Variants in FGF4 observed in about 807,000 individuals in gnomAD.
FGF4 encodes the protein fibroblast growth factor 4.
In FGF4, 9 loss-of-function variants were observed where a neutral mutation model predicts 15.7. That is an observed-to-expected ratio of 0.57 (90% CI 0.35 to 1.00). The LOEUF is 1.00. Among genes scored for constraint, FGF4 ranks in the 50% least tolerant of loss-of-function variants. The pLI, the probability that FGF4 is intolerant of heterozygous loss-of-function variation, is 0.02. For synonymous variants in FGF4, 164 were observed against 144.8 expected (o/e 1.13, Z -0.95); for missense variants, 286 against 297.3 (o/e 0.96, Z 0.28).
At chr11:69,774,214 C>T in intron 1 of FGF4, 87 bp from the exon 2 acceptor site, 1 of 1,115,638 alleles carries the variant, frequency 9.0e-7, no homozygotes, top group Non-Finnish European at 1.3e-6. Flanking sequence ...GACCCTATTT[C>T]TGGGGTGGGG....
In FGF4 at chr11:69,775,221, C is replaced by G. The variant is rs936315773; in HGVS notation, c.-137G>C. The G allele has an allele frequency of 1.1e-4, 62 of 561,104 alleles. No individual in the cohort carries two copies. The Middle Eastern group carries it at 3.2e-3, about 29-fold the overall frequency. The allele number at this position is 561,104 out of a possible 1,614,324, so 34.8% of individuals were successfully genotyped here. On this transcript the variant is annotated 5_prime_UTR_variant, in exon 1 of 3. Transcript: ENST00000168712. ...TGCGCAACCGAGGAGGTGCGGGAGG[C>G]AAGCGACGGGGCCCCCGGGCGCCGG...
At position 69,774,173 on chromosome 11, in the gene FGF4, C is replaced by T. The variant is rs776447972; in HGVS notation, c.341-46G>A. 1.7e-5 allele frequency: 25 copies of T among 1,470,834 alleles called. No individual in the cohort carries two copies. The South Asian group carries it at 2.8e-4, about 16-fold the overall frequency. The allele number at this position is 1,470,834 out of a possible 1,614,324, so 91.1% of individuals were successfully genotyped here. A position where few individuals can be genotyped will look rare whatever the true frequency, so the allele number is the denominator to read the frequency against. Reference sequence around the variant, plus strand: ...ATTGCGGGGCAGGTGATCCCTGGCCCACTCCGCCCCTCGGCTTGTTCGCCT... The same window carrying T: ...ATTGCGGGGCAGGTGATCCCTGGCCTACTCCGCCCCTCGGCTTGTTCGCCT... On this transcript the variant is annotated intron_variant, in intron 1 of 2. Coordinates refer to ENST00000168712, the MANE Select transcript of FGF4 (RefSeq NM_002007.4).
intron 1 of FGF4, 35 bp downstream of exon 1, chr11:69,774,710 G>C (rs1855617544): frequency 7.5e-7 from 1 of 1,340,784 alleles, no homozygotes; most frequent in East Asian, 3.3e-5. Context: ...GTTGCCCCCC[G>C]CCCCCGCCCC....
rs2119834256 is a variant in FGF4, at chr11:69,775,109, T to C, written c.-25A>G. On this transcript the variant is annotated 5_prime_UTR_variant, in exon 1 of 3. Coordinates refer to ENST00000168712, the MANE Select transcript of FGF4 (RefSeq NM_002007.4). The stretch of plus-strand genomic sequence containing the variant: ...TCCCGGCCCGAGGGCCGTGCGTCGG[T>C]CAGGCGGTCAGTGCGCCCGGGAAGC... 7.8e-7 allele frequency: 1 copy of C among 1,279,636 alleles called. No individual in the cohort carries two copies. Among genetic ancestry groups the C allele is most frequent in the South Asian group, 2.5e-5 (1 of 40,798 alleles). 79.3% of individuals were successfully genotyped at this position (1,279,636 alleles called of 1,614,324 possible).
In FGF4 at chr11:69,775,339, C is replaced by T. The variant is rs557791936; in HGVS notation, c.-255G>A. 1.0e-4 allele frequency: 36 copies of T among 351,948 alleles called. No homozygotes were observed. The South Asian group carries it at 4.9e-3, about 48-fold the overall frequency. 21.8% of individuals were successfully genotyped at this position (351,948 alleles called of 1,614,324 possible). ...GAGCAGTGCGCGCCTCCCTGAGCGC[C>T]AGGCCCGCCCGAGGCCGAGCCGCTA... On this transcript the variant is annotated 5_prime_UTR_variant, in exon 1 of 3. Coordinates refer to ENST00000168712, the MANE Select transcript of FGF4 (RefSeq NM_002007.4).
Position 69,775,013 on chromosome 11 carries a change from C to T in FGF4, c.72G>A (p.Ala24=). The part of the protein sequence containing the change: ...AVLLALLAPW[A]GRGGAAAPTA... ...TGGGTGCGGCGGCGCCCCCTCGGCC[C>T]GCCCAGGGCGCCAGCAAGGCCAGCA... Residue 24 remains alanine, a synonymous_variant, in exon 1 of 3, where the codon GCG becomes GCA. Transcript: ENST00000168712. The T allele has an allele frequency of 6.9e-7, 1 of 1,441,026 alleles. No individual in the cohort carries two copies. Among genetic ancestry groups the T allele is most frequent in the Non-Finnish European group, 9.1e-7 (1 of 1,103,612 alleles). The allele number at this position is 1,441,026 out of a possible 1,614,324, so 89.3% of individuals were successfully genotyped here.
At position 69,772,968 on chromosome 11, in the gene FGF4, C is replaced by T. The variant is rs182290319; in HGVS notation, c.*341G>A. ...CACGCCATACTACAGGGGATGACAT[C>T]GGAATCCAATGTCACCTTTTTTTAA... On this transcript the variant is annotated 3_prime_UTR_variant, in exon 3 of 3. Transcript: ENST00000168712. The T allele has an allele frequency of 6.1e-5, 17 of 276,786 alleles. No homozygotes were observed. Among genetic ancestry groups the T allele is most frequent in the Admixed American group, 3.4e-4 (7 of 20,538 alleles). The allele number at this position is 276,786 out of a possible 1,614,324, so 17.1% of individuals were successfully genotyped here. A position where few individuals can be genotyped will look rare whatever the true frequency, so the allele number is the denominator to read the frequency against.
rs780413134 is a variant in FGF4 at position 69,774,140 on chromosome 11, C to T, written c.341-13G>A. 1.7e-5 allele frequency: 27 copies of T among 1,604,044 alleles called. No individual in the cohort carries two copies. The highest frequency in any genetic ancestry group is 6.7e-5 in the Admixed American group (4 of 59,612). On this transcript the variant is annotated splice_polypyrimidine_tract_variant and intron_variant, in intron 1 of 2. Transcript: ENST00000168712. ...AGCTCCAGCAGGCCTGGGGGCGGGGCGCAGGTCATTGCGGGGCAGGTGATC... is the reference window on the plus strand; with the variant it reads ...AGCTCCAGCAGGCCTGGGGGCGGGGTGCAGGTCATTGCGGGGCAGGTGATC...
At position 69,774,782 on chromosome 11, in the gene FGF4, G is replaced by A. The variant is rs746672614; in HGVS notation, c.303C>T (p.Asp101=). ...CCGCGTGCGCGCCGCCGATGCGGCC[G>A]TCGGGGAGCGCCTGGAGGTGGAAGC... ...GIGFHLQALP[D]GRIGGAHADT... is the part of the protein sequence containing the mutation. Residue 101 remains aspartate (D), a synonymous_variant, in exon 1 of 3, where the codon GAC becomes GAT. Transcript: ENST00000168712. 2.4e-5 allele frequency: 36 copies of A among 1,515,958 alleles called. No individual in the cohort carries two copies. The highest frequency in any genetic ancestry group is 2.0e-4 in the Middle Eastern group (1 of 5,092). 93.9% of individuals were successfully genotyped at this position (1,515,958 alleles called of 1,614,324 possible). A position where few individuals can be genotyped will look rare whatever the true frequency, so the allele number is the denominator to read the frequency against.
At position 69,773,298 on chromosome 11, in the gene FGF4, C is replaced by T. The variant is rs1476797310; in HGVS notation, c.*11G>A. The stretch of plus-strand genomic sequence containing the variant: ...GGCTTCCCGAGGCTGAGGCAAGGGT[C>T]CTCTGGAGGGTCACAGCCTGGGGAG... On this transcript the variant is annotated 3_prime_UTR_variant, in exon 3 of 3. Coordinates refer to ENST00000168712, the MANE Select transcript of FGF4 (RefSeq NM_002007.4). 1 of 1,613,874 alleles carries T rather than the reference C, an allele frequency of 6.2e-7. No homozygotes were observed. Among genetic ancestry groups the T allele is most frequent in the Non-Finnish European group, 8.5e-7 (1 of 1,179,820 alleles).
In FGF4 at chr11:69,774,219, G is replaced by A. The variant is rs1156522572; in HGVS notation, c.341-92C>T. 3.8e-6 allele frequency: 4 copies of A among 1,057,342 alleles called. No homozygotes were observed. The African/African-American group carries it at 4.7e-5, about 12-fold the overall frequency. The allele number at this position is 1,057,342 out of a possible 1,614,324, so 65.5% of individuals were successfully genotyped here. A position where few individuals can be genotyped will look rare whatever the true frequency, so the allele number is the denominator to read the frequency against. ...CGCCTCCGGGGACCCTATTTCTGGG[G>A]TGGGGTTGGGGATAAAGGGCCAGGG... On this transcript the variant is annotated intron_variant, in intron 1 of 2. Transcript: ENST00000168712.
chr11:69,774,778 G>A lies in FGF4; in HGVS notation c.307C>T (p.Arg103Cys). The change falls in exon 1 of 3, where the codon CGC becomes TGC. Residue 103 changes from arginine to cysteine, a missense_variant. Coordinates refer to ENST00000168712, the MANE Select transcript of FGF4 (RefSeq NM_002007.4). ...GTGTCCGCGTGCGCGCCGCCGATGC[G>A]GCCGTCGGGGAGCGCCTGGAGGTGG... The part of the protein sequence containing the change: ...GFHLQALPDG[R>C]IGGAHADTRD... 6.6e-7 allele frequency: 1 copy of A among 1,513,378 alleles called. No individual in the cohort carries two copies. The allele number at this position is 1,513,378 out of a possible 1,614,324, so 93.7% of individuals were successfully genotyped here. A position where few individuals can be genotyped will look rare whatever the true frequency, so the allele number is the denominator to read the frequency against.
rs1245810774 is a variant in FGF4 at position 69,774,097 on chromosome 11, C to T, written c.371G>A (p.Gly124Asp). ...GGCCACGCCGAAGATGCTCACCACGCCCCGCTCCACGGGCGAGAGCTCCAG... is the reference window on the plus strand; with the variant it reads ...GGCCACGCCGAAGATGCTCACCACGTCCCGCTCCACGGGCGAGAGCTCCAG... ...SLLELSPVER[G>D]VVSIFGVASR... The change falls in exon 2 of 3, where the codon GGC becomes GAC. Residue 124 changes from glycine to aspartate, a missense_variant. By Grantham distance (94) the Gly-to-Asp change is moderately conservative. Transcript: ENST00000168712. 1 of 1,612,764 alleles carries T rather than the reference C, an allele frequency of 6.2e-7. No homozygotes were observed. The highest frequency in any genetic ancestry group is 8.5e-7 in the Non-Finnish European group (1 of 1,179,904).
At position 69,775,043 on chromosome 11, in the gene FGF4, C is replaced by T; in HGVS notation, c.42G>A (p.Ala14=). ...AGGGCGCCAGCAAGGCCAGCAGGAC[C>T]GCCGGGAGCAGCGCTACCGCGGCCG... ...PGTAAVALLP[A]VLLALLAPWA... The change falls in exon 1 of 3, where the codon GCG becomes GCA. Residue 14 remains alanine (A), a synonymous_variant. Transcript: ENST00000168712. 7.1e-7 allele frequency: 1 copy of T among 1,402,258 alleles called. No individual in the cohort carries two copies. 86.9% of individuals were successfully genotyped at this position (1,402,258 alleles called of 1,614,324 possible).
In FGF4 at chr11:69,771,205, A is replaced by C. The variant is rs1451120177; in HGVS notation, c.*2104T>G. On this transcript the variant is annotated 3_prime_UTR_variant, in exon 3 of 3. Coordinates refer to ENST00000168712, the MANE Select transcript of FGF4 (RefSeq NM_002007.4). ...CTACAGATTCTGAAAACAGTGGCAC[A>C]TACAGGAACCTCGAATCCCCATCAC... 7 of 152,252 alleles carry C rather than the reference A, an allele frequency of 4.6e-5. No individual in the cohort carries two copies. Among genetic ancestry groups the C allele is most frequent in the African/African-American group, 1.2e-4 (5 of 41,464 alleles). The allele number at this position is 152,252 out of a possible 1,614,324, so 9.4% of individuals were successfully genotyped here. A position where few individuals can be genotyped will look rare whatever the true frequency, so the allele number is the denominator to read the frequency against.
At chr11:69,774,511 G>T (rs1371062669) in intron 1 of FGF4, among the ~76,000 whole-genome samples, 1 of 152,224 alleles carries the variant, frequency 6.6e-6, no homozygotes, top group Non-Finnish European at 1.5e-5. Context: ...CTCGGAGCCC[G>T]AGTTTCTGAA....
At chr11:69,774,233 A>G (rs1423571586) in intron 1 of FGF4, 106 bp from the exon 2 acceptor site, 4 of 944,402 alleles carry the variant, frequency 4.2e-6, no homozygotes, top group Non-Finnish European at 6.4e-6. Context: ...GGTTGGGGAT[A>G]AAGGGCCAGG....
At position 69,772,970 on chromosome 11, in the gene FGF4, G is replaced by T. The variant is rs186955552; in HGVS notation, c.*339C>A. On this transcript the variant is annotated 3_prime_UTR_variant, in exon 3 of 3. Coordinates refer to ENST00000168712, the MANE Select transcript of FGF4 (RefSeq NM_002007.4). ...CGCCATACTACAGGGGATGACATCGGAATCCAATGTCACCTTTTTTTAAAA... is the reference window on the plus strand; with the variant it reads ...CGCCATACTACAGGGGATGACATCGTAATCCAATGTCACCTTTTTTTAAAA... 5.0e-5 allele frequency: 14 copies of T among 279,226 alleles called. No homozygotes were observed. The East Asian group carries it at 8.2e-4, about 16-fold the overall frequency. 17.3% of individuals were successfully genotyped at this position (279,226 alleles called of 1,614,324 possible).
At chr11:69,773,667 G>A (rs1855602686) in intron 2 of FGF4, among the ~76,000 whole-genome samples, 182 bp from the exon 3 acceptor site, 1 of 151,932 alleles carries the variant, frequency 6.6e-6, no homozygotes, top group Non-Finnish European at 1.5e-5. Context: ...GCCCACAACA[G>A]CTGGTGCTCT....
Sources: allele counts gnomAD v4.1 joint callset (sites outside exome capture counted in the v4.1 genomes callset), GRCh38; gene constraint gnomAD v4.1.1; transcripts MANE v1.5; gene names NCBI Gene and HGNC (gene_info 2026-07-23, HGNC 2026-07-21).